The following LUC7L2 variants were observed in gnomAD, a reference collection of about 807,000 sequenced individuals.
LUC7L2 encodes the protein putative RNA-binding protein Luc7-like 2.
A neutral mutation model predicts 52.8 loss-of-function variants in LUC7L2; 25 were observed. That is an observed-to-expected ratio of 0.47 (90% confidence interval 0.34 to 0.66). The LOEUF (loss-of-function observed/expected upper bound fraction) is 0.66, where lower values mean the gene tolerates loss of function less well. LUC7L2 is among the 30% of genes least tolerant of loss of function. LUC7L2 has a pLI of 0.01. For missense variants in LUC7L2, 328 were observed against 497.8 expected (o/e 0.66, Z 3.25); for synonymous variants, 144 against 160.9 (o/e 0.89, Z 0.80).
chr7:139,419,141 A>C (rs917409046), intron 9 of LUC7L2, among the ~76,000 whole-genome samples: 3 of 152,016 alleles, frequency 2.0e-5, no homozygotes, highest in South Asian at 2.1e-4. Context: ...AAAAAAAAAA[A>C]CAAAAAGTCT....
Position 139,417,833 on chromosome 7 carries a change from A to G in LUC7L2, c.1001+104A>G. 4.2e-6 allele frequency: 6 copies of G among 1,425,022 alleles called. No homozygotes were observed. In the South Asian group the frequency reaches 8.8e-5, roughly 21 times the overall value. The allele number at this position is 1,425,022 out of a possible 1,614,324, so 88.3% of individuals were successfully genotyped here. A position where few individuals can be genotyped will look rare whatever the true frequency, so the allele number is the denominator to read the frequency against. The stretch of plus-strand genomic sequence containing the variant: ...TTAGAGTTCAGATTATTGGTTTGAA[A>G]CTTTTGCATCTGGTAATATGTACAC... On this transcript the variant is annotated intron_variant, in intron 9 of 9. Transcript: ENST00000354926.
intron 2 of LUC7L2, among the ~76,000 whole-genome samples, chr7:139,385,820 T>G (rs1408729939): frequency 6.6e-6 from 1 of 152,220 alleles, no homozygotes; most frequent in Non-Finnish European, 1.5e-5. Flanking sequence ...TCTCTTAGTA[T>G]TTCCTGGACC....
At chr7:139,410,087 G>C (rs1450907158) in intron 7 of LUC7L2, among the ~76,000 whole-genome samples, 1 of 152,092 alleles carries the variant, frequency 6.6e-6, no homozygotes, top group Non-Finnish European at 1.5e-5. Context: ...GGCGCCTGTA[G>C]TCCCAGCTGC....
At chr7:139,399,939 C>T (rs767566928) in intron 3 of LUC7L2, among the ~76,000 whole-genome samples, 1 of 151,876 alleles carries the variant, frequency 6.6e-6, no homozygotes, top group African/African-American at 2.4e-5. Flanking sequence ...TTACATAAAA[C>T]ATACTAATGT....
At chr7:139,341,466 C>A in intron 1 of LUC7L2, 1 of 1,613,756 alleles carries the variant, frequency 6.2e-7, no homozygotes, top group South Asian at 1.1e-5. Flanking sequence ...CACCGGCCGA[C>A]CCTATCGCGA....
At chr7:139,346,688 A>G (rs1040038053) in intron 1 of LUC7L2, among the ~76,000 whole-genome samples, 14 of 152,202 alleles carry the variant, frequency 9.2e-5, no homozygotes, top group Non-Finnish European at 1.8e-4. Context: ...GGCCTGACCA[A>G]TGCAGGCCCT....
At chr7:139,404,752 A>T (rs1795049205) in intron 4 of LUC7L2, among the ~76,000 whole-genome samples, 1 of 152,228 alleles carries the variant, frequency 6.6e-6, no homozygotes, top group African/African-American at 2.4e-5. Flanking sequence ...TTGCCAGGCG[A>T]GTATGCTGAA....
At position 139,374,872 on chromosome 7, in the gene LUC7L2, A is replaced by G. The variant is rs973411400; in HGVS notation, c.62-1190A>G. 15 of 997,186 alleles carry G rather than the reference A, an allele frequency of 1.5e-5. No homozygotes were observed. The African/African-American group carries it at 2.6e-4, about 17-fold the overall frequency. 61.8% of individuals were successfully genotyped at this position (997,186 alleles called of 1,614,324 possible). On this transcript the variant is annotated intron_variant, in intron 1 of 9. Transcript: ENST00000354926. Reference sequence around the variant, plus strand: ...GGGTAAAGTTTTAATCTTTTTTGTTATTTACATGTGAAAATACAGAAACTA... The same window carrying G: ...GGGTAAAGTTTTAATCTTTTTTGTTGTTTACATGTGAAAATACAGAAACTA...
chr7:139,412,430 T>C, intron 7 of LUC7L2, 121 bp from the exon 8 acceptor site: 1 of 1,246,196 alleles, frequency 8.0e-7, no homozygotes, highest in Non-Finnish European at 1.1e-6. Context: ...TGTGCGTAGG[T>C]ACACGCCTTG....
intron 2 of LUC7L2, among the ~76,000 whole-genome samples, chr7:139,380,359 C>T (rs988632487): frequency 7.9e-5 from 12 of 151,546 alleles, no homozygotes; most frequent in Non-Finnish European, 5.9e-5. Flanking sequence ...TTTGGGAGGC[C>T]GAGGGGGGAT....
At chr7:139,370,228 T>C (rs770855633) in intron 1 of LUC7L2, among the ~76,000 whole-genome samples, 10 of 152,222 alleles carry the variant, frequency 6.6e-5, no homozygotes, top group African/African-American at 9.6e-5. Context: ...CAGGGGAACA[T>C]GTAGCAAGGG....
intron 6 of LUC7L2, among the ~76,000 whole-genome samples, chr7:139,408,231 A>C (rs1795203985): frequency 6.6e-6 from 1 of 152,310 alleles, no homozygotes; most frequent in Middle Eastern, 3.4e-3. Flanking sequence ...GGGTGATCTC[A>C]AGTAATTTTT....
chr7:139,416,902 A>G (rs1260365557), intron 8 of LUC7L2: 1 of 152,296 alleles, frequency 6.6e-6, no homozygotes, highest in Non-Finnish European at 1.5e-5. Flanking sequence ...CAAGATATTT[A>G]AGTGCAATTA....
intron 2 of LUC7L2, among the ~76,000 whole-genome samples, chr7:139,382,951 A>C (rs2131234737): frequency 6.7e-6 from 1 of 149,956 alleles, no homozygotes; most frequent in African/African-American, 2.4e-5. Flanking sequence ...TTTTTGGAGG[A>C]GTCTCCCTTT....
chr7:139,391,162 CTT>C (rs776283803), intron 2 of LUC7L2, among the ~76,000 whole-genome samples: 9 of 152,144 alleles, frequency 5.9e-5, no homozygotes, highest in Non-Finnish European at 1.3e-4. Context: ...TATTCATAGT[CTT>C]TGTTTCTGTT....
intron 7 of LUC7L2, among the ~76,000 whole-genome samples, chr7:139,410,205 C>CA (rs530744677): frequency 0.011 from 1,466 of 129,388 alleles, 26 homozygotes; most frequent in South Asian, 0.082. Flanking sequence ...GACTCTGTCT[C>CA]AAAAAAAAAA....
At chr7:139,399,958 C>A (rs1212947270) in intron 3 of LUC7L2, among the ~76,000 whole-genome samples, 1 of 151,988 alleles carries the variant, frequency 6.6e-6, no homozygotes, top group East Asian at 1.9e-4. Flanking sequence ...GTGCATAAAT[C>A]TTTGATACAT....
intron 2 of LUC7L2, among the ~76,000 whole-genome samples, chr7:139,397,014 TATC>T (rs996162180): frequency 6.6e-6 from 1 of 152,204 alleles, no homozygotes; most frequent in African/African-American, 2.4e-5. Context: ...TAAAATTAAT[TATC>T]ATACGTTTGT....
chr7:139,358,672 C>T (rs1189606021), upstream of LUC7L2, among the ~76,000 whole-genome samples: 1 of 152,172 alleles, frequency 6.6e-6, no homozygotes, highest in African/African-American at 2.4e-5. Context: ...TTCCTGCACA[C>T]TGACCTATGT....
Sources: allele counts gnomAD v4.1 joint callset (sites outside exome capture counted in the v4.1 genomes callset), GRCh38; gene constraint gnomAD v4.1.1; transcripts MANE v1.5; gene names NCBI Gene and HGNC (gene_info 2026-07-23, HGNC 2026-07-21).